MPP7: variants seen among roughly 807,000 people sequenced by gnomAD.
MPP7 encodes the protein MAGUK p55 subfamily member 7.
MPP7 carries 60 observed loss-of-function variants against 76.5 expected under a neutral mutation model. The observed-to-expected ratio is 0.78, with a 90% CI of 0.64 to 0.97. The LOEUF is 0.97. Ranked by LOEUF, MPP7 falls within the 50% of genes least tolerant of loss-of-function variation. The pLI, the probability that MPP7 is intolerant of heterozygous loss-of-function variation, is 0.00. For synonymous variants in MPP7, 237 were observed against 244.5 expected (o/e 0.97, Z 0.29); for missense variants, 641 against 694.0 (o/e 0.92, Z 0.86).
intron 11 of MPP7, among the ~76,000 whole-genome samples, chr10:28,092,530 T>G (rs1853356307): frequency 6.6e-6 from 1 of 151,834 alleles, no homozygotes; most frequent in South Asian, 2.1e-4. Flanking sequence ...TTGTTCATCT[T>G]GTTTTCTAGG....
intron 12 of MPP7, among the ~76,000 whole-genome samples, chr10:28,073,506 A>C (rs1480213426): frequency 2.0e-5 from 3 of 152,172 alleles, no homozygotes; most frequent in Admixed American, 6.5e-5. Flanking sequence ...GGAGTGCCTC[A>C]CACCTGTAAT....
intron 1 of MPP7, among the ~76,000 whole-genome samples, chr10:28,279,786 G>A (rs868467217): frequency 1.4e-4 from 21 of 151,908 alleles, no homozygotes; most frequent in Non-Finnish European, 2.8e-4. Context: ...TTTAAGGACG[G>A]AATTCCTACC....
intron 3 of MPP7, among the ~76,000 whole-genome samples, chr10:28,180,966 T>C (rs1272523538): frequency 6.6e-6 from 1 of 152,224 alleles, no homozygotes; most frequent in African/African-American, 2.4e-5. Context: ...ACAGCACTAC[T>C]GCAGGATATA....
intron 11 of MPP7, among the ~76,000 whole-genome samples, chr10:28,096,003 T>G (rs1196499839): frequency 6.6e-6 from 1 of 152,222 alleles, no homozygotes; most frequent in African/African-American, 2.4e-5. Flanking sequence ...CAGTCCCTAA[T>G]CACAGACACC....
In MPP7 at chr10:28,124,152, A is replaced by G. The variant is rs113910941; in HGVS notation, c.530-36T>C. The G allele has an allele frequency of 3.1e-5, 42 of 1,365,676 alleles. No individual in the cohort carries two copies. In the African/African-American group the frequency reaches 3.1e-4, roughly 10 times the overall value. 84.6% of individuals were successfully genotyped at this position (1,365,676 alleles called of 1,614,324 possible). ...GGAGATTTGGTAAATTAGCAGTGTT[A>G]CCCACAACCAAAACTGTAATTTGCA... On this transcript the variant is annotated intron_variant, in intron 7 of 16. Coordinates refer to ENST00000683449, the MANE Select transcript of MPP7 (RefSeq NM_001318170.2).
intron 1 of MPP7, among the ~76,000 whole-genome samples, chr10:28,270,647 G>A (rs1428347321): frequency 2.0e-5 from 3 of 151,734 alleles, no homozygotes; most frequent in East Asian, 1.9e-4. Flanking sequence ...CAACATCAAC[G>A]CCCTCTATCC....
intron 2 of MPP7, among the ~76,000 whole-genome samples, chr10:28,227,448 C>T (rs536054336): frequency 2.6e-5 from 4 of 152,198 alleles, no homozygotes; most frequent in South Asian, 2.1e-4. Flanking sequence ...GCTACTTTTC[C>T]GGGTGCTCTC....
intron 2 of MPP7, among the ~76,000 whole-genome samples, chr10:28,321,519 A>G (rs1228063506): frequency 6.6e-6 from 1 of 152,206 alleles, no homozygotes; most frequent in East Asian, 1.9e-4. Context: ...GGTCTGCCTC[A>G]TGTCAAAGTC....
At position 28,165,331 on chromosome 10, in the gene MPP7, G is replaced by A. The variant is rs530520548; in HGVS notation, c.157-15272C>T. Among the ~76,000 whole-genome samples, 18 of 152,238 alleles carry A rather than the reference G, an allele frequency of 1.2e-4. No homozygotes were observed. The South Asian group carries it at 3.5e-3, about 30-fold the overall frequency. ...GTTGAGGCCAGTTTGATATCAGCCT[G>A]GGTAACAGAGTGAGAATCCTATCCC... is the stretch of plus-strand genomic sequence containing the variant. On this transcript the variant is annotated intron_variant, in intron 3 of 16. Coordinates refer to ENST00000683449, the MANE Select transcript of MPP7 (RefSeq NM_001318170.2).
At chr10:28,171,905 A>C (rs1182843373) in intron 3 of MPP7, among the ~76,000 whole-genome samples, 1 of 152,192 alleles carries the variant, frequency 6.6e-6, no homozygotes, top group Non-Finnish European at 1.5e-5. Context: ...TCTTGGTTTC[A>C]TGCAGTTATT....
At chr10:28,163,020 C>T (rs1021806903) in intron 3 of MPP7, among the ~76,000 whole-genome samples, 1 of 152,106 alleles carries the variant, frequency 6.6e-6, no homozygotes, top group Non-Finnish European at 1.5e-5. Flanking sequence ...AGGTCCTTAA[C>T]GTCATTACAT....
At chr10:28,178,569 A>G (rs1346445721) in intron 3 of MPP7, among the ~76,000 whole-genome samples, 1 of 152,132 alleles carries the variant, frequency 6.6e-6, no homozygotes, top group Non-Finnish European at 1.5e-5. Flanking sequence ...GATAGTAAAA[A>G]TGTAGAACTT....
chr10:28,162,978 A>G (rs1481297228), intron 3 of MPP7, among the ~76,000 whole-genome samples: 1 of 151,986 alleles, frequency 6.6e-6, no homozygotes, highest in Non-Finnish European at 1.5e-5. Flanking sequence ...GTTGGACCCA[A>G]CTGAATAGTC....
intron 13 of MPP7, among the ~76,000 whole-genome samples, chr10:28,061,792 T>G (rs1851796906): frequency 6.6e-6 from 1 of 151,982 alleles, no homozygotes; most frequent in Non-Finnish European, 1.5e-5. Context: ...TCAAAGCAGC[T>G]AGGAAAAAAC....
chr10:28,123,300 T>C (rs1834901714), intron 8 of MPP7, among the ~76,000 whole-genome samples: 1 of 152,114 alleles, frequency 6.6e-6, no homozygotes, highest in Non-Finnish European at 1.5e-5. Flanking sequence ...GTGTCAGATT[T>C]CAAAAGACAT....
At chr10:28,285,500 T>C (rs1840770687) in intron 1 of MPP7, among the ~76,000 whole-genome samples, 1 of 152,166 alleles carries the variant, frequency 6.6e-6, no homozygotes, top group South Asian at 2.1e-4. Flanking sequence ...ACCTTTTCTG[T>C]ACTAACTAGA....
intron 11 of MPP7, among the ~76,000 whole-genome samples, chr10:28,094,862 C>T (rs1415029101): frequency 1.3e-5 from 2 of 151,964 alleles, no homozygotes; most frequent in African/African-American, 2.4e-5. Flanking sequence ...GGCTGAGGCA[C>T]GAGAATCACT....
At chr10:28,275,401 C>CT (rs1840460849) in intron 1 of MPP7, among the ~76,000 whole-genome samples, 1 of 149,134 alleles carries the variant, frequency 6.7e-6, no homozygotes, top group Non-Finnish European at 1.5e-5. Flanking sequence ...TGTCACCTTC[C>CT]TAATATTTCT....
intron 2 of MPP7, among the ~76,000 whole-genome samples, chr10:28,221,528 C>T (rs1838506288): frequency 1.3e-5 from 2 of 152,132 alleles, no homozygotes; most frequent in African/African-American, 2.4e-5. Flanking sequence ...TGCTGGTTCA[C>T]CATTTCAGAA....
Sources: allele counts gnomAD v4.1 joint callset (sites outside exome capture counted in the v4.1 genomes callset), GRCh38; gene constraint gnomAD v4.1.1; transcripts MANE v1.5; gene names NCBI Gene and HGNC (gene_info 2026-07-23, HGNC 2026-07-21).